Variants in ERC1 observed in about 807,000 individuals in gnomAD.
ERC1 encodes the protein RAB6 interacting protein 2.
A neutral mutation model predicts 132.0 loss-of-function variants in ERC1; 56 were observed. That is an observed-to-expected ratio of 0.42 (90% CI 0.34 to 0.53). The LOEUF is 0.53. Among genes scored for constraint, ERC1 ranks in the 20% least tolerant of loss-of-function variants. ERC1 has a pLI of 0.03. For synonymous variants in ERC1, 478 were observed against 476.1 expected, an observed-to-expected ratio of 1.00 and a Z score of -0.05; for missense variants, 1,202 against 1,349.9, an observed-to-expected ratio of 0.89 and a Z score of 1.72.
chr12:1,063,789 A>G (rs1367579521), intron 2 of ERC1, among the ~76,000 whole-genome samples: 3 of 151,534 alleles, frequency 2.0e-5, no homozygotes, highest in East Asian at 3.9e-4. Context: ...TTTTCCTCTC[A>G]TTGTTTATCC....
At chr12:1,267,777 T>C (rs938829613) in intron 14 of ERC1, among the ~76,000 whole-genome samples, 2 of 152,044 alleles carry the variant, frequency 1.3e-5, no homozygotes, top group African/African-American at 2.4e-5. Flanking sequence ...ATAATAATAA[T>C]AACAACATAT....
intron 12 of ERC1, among the ~76,000 whole-genome samples, chr12:1,194,402 CAG>C (rs1362340329): frequency 6.6e-6 from 1 of 152,070 alleles, no homozygotes. Context: ...GCCTGGGTGA[CAG>C]AGCGAGACTC....
chr12:1,204,999 G>C (rs1957228061), intron 12 of ERC1, among the ~76,000 whole-genome samples: 1 of 152,122 alleles, frequency 6.6e-6, no homozygotes, highest in African/African-American at 2.4e-5. Context: ...TGACTCTGCT[G>C]GGTGGTAGAA....
At chr12:1,200,720 G>A (rs111464941) in intron 12 of ERC1, among the ~76,000 whole-genome samples, 27 of 152,102 alleles carry the variant, frequency 1.8e-4, no homozygotes, top group Admixed American at 4.6e-4. Context: ...CACCACAGCC[G>A]GCTAGTTTTT....
rs1222710284 is a variant in ERC1 at position 1,491,588 on chromosome 12, A to G, written c.*1358A>G. 5.5e-6 allele frequency: 1 copy of G among 182,088 alleles called. No homozygotes were observed. The highest frequency in any genetic ancestry group is 3.0e-5 in the African/African-American group (1 of 32,848). 11.3% of individuals were successfully genotyped at this position (182,088 alleles called of 1,614,324 possible). A position where few individuals can be genotyped will look rare whatever the true frequency, so the allele number is the denominator to read the frequency against. On this transcript the variant is annotated 3_prime_UTR_variant, in exon 19 of 19. Coordinates refer to ENST00000360905, the MANE Select transcript of ERC1 (RefSeq NM_178040.4). ...CTAGAAAAGTTCCCTAATGGAATTC[A>G]TGAGTTTGGGGGTCTCAGTCACCCG...
At chr12:1,410,023 T>G (rs934637280) in intron 17 of ERC1, among the ~76,000 whole-genome samples, 1 of 152,170 alleles carries the variant, frequency 6.6e-6, no homozygotes, top group Non-Finnish European at 1.5e-5. Flanking sequence ...CCATATACTT[T>G]AAATCATCTC....
chr12:1,448,953 G>A (rs2093366198), intron 18 of ERC1, among the ~76,000 whole-genome samples: 1 of 152,244 alleles, frequency 6.6e-6, no homozygotes, highest in Non-Finnish European at 1.5e-5. Context: ...AGAGCCACAG[G>A]GGCAGAGCTG....
chr12:1,074,151 C>T (rs1267735046), intron 2 of ERC1, among the ~76,000 whole-genome samples: 6 of 151,606 alleles, frequency 4.0e-5, no homozygotes, highest in Non-Finnish European at 8.8e-5. Context: ...TGTGAGCCAC[C>T]ATGCCTGGCC....
intron 17 of ERC1, among the ~76,000 whole-genome samples, chr12:1,426,779 C>G (rs923190711): frequency 6.6e-6 from 1 of 152,176 alleles, no homozygotes; most frequent in Non-Finnish European, 1.5e-5. Flanking sequence ...TCTTACCATT[C>G]TGTCTTTGTA....
rs1046742417 is a variant in ERC1 at position 1,097,081 on chromosome 12, C to T, written c.1087-7669C>T. Among the ~76,000 whole-genome samples the T allele has an allele frequency of 2.2e-4, 33 of 152,258 alleles. No homozygotes were observed. The East Asian group carries it at 6.2e-3, about 28-fold the overall frequency. On this transcript the variant is annotated intron_variant, in intron 3 of 18. Coordinates refer to ENST00000360905, the MANE Select transcript of ERC1 (RefSeq NM_178040.4). ...TTTAAATCTCTTAATTACCGATTTG[C>T]CCTTAATTCCTCCTTTTTTTTCTCG...
At position 1,169,600 on chromosome 12, in the gene ERC1, C is replaced by T. The variant is rs536499406; in HGVS notation, c.1738-10940C>T. 1.0e-3 allele frequency among the ~76,000 whole-genome samples: 157 copies of T among 152,176 alleles called. 1 individual carries two copies. Among genetic ancestry groups the T allele is most frequent in the Non-Finnish European group, 1.8e-3 (125 of 68,024 alleles). On this transcript the variant is annotated intron_variant, in intron 8 of 18. Transcript: ENST00000360905. ...GGGTCTGCTTTCCGGGAAACCCAGT[C>T]TTGGGTAGAATACAGGGTAGGATAT...
chr12:1,206,150 A>G (rs1042646671), intron 12 of ERC1, among the ~76,000 whole-genome samples: 3 of 152,138 alleles, frequency 2.0e-5, no homozygotes, highest in African/African-American at 7.2e-5. Context: ...TAGCTGTAGT[A>G]TGCAAAAGTT....
At chr12:1,072,714 A>G (rs944658778) in intron 2 of ERC1, among the ~76,000 whole-genome samples, 3 of 152,070 alleles carry the variant, frequency 2.0e-5, no homozygotes, top group Non-Finnish European at 4.4e-5. Flanking sequence ...TATTTTTGAG[A>G]CAGAGTCTCG....
chr12:1,252,356 A>AT (rs1352731559), intron 13 of ERC1, among the ~76,000 whole-genome samples: 2 of 152,064 alleles, frequency 1.3e-5, no homozygotes, highest in Non-Finnish European at 2.9e-5. Flanking sequence ...TATTTTTGGG[A>AT]TTTTTTGGTA....
At chr12:1,051,757 G>A (rs1291086741) in intron 2 of ERC1, among the ~76,000 whole-genome samples, 1 of 152,058 alleles carries the variant, frequency 6.6e-6, no homozygotes, top group Admixed American at 6.6e-5. Flanking sequence ...GACCACCTGG[G>A]GGATGTGGGC....
In ERC1 at chr12:1,460,958, C is replaced by CTTTTTTTTTTT. The variant is rs35505633; in HGVS notation, c.3213+16221_3213+16231dup. 1.2e-3 allele frequency among the ~76,000 whole-genome samples: 79 copies of CTTTTTTTTTTT among 64,942 alleles called. 1 individual carries two copies. The highest frequency in any genetic ancestry group is 2.3e-3 in the East Asian group (4 of 1,758). 42.6% of individuals were successfully genotyped at this position (64,942 alleles called of 152,430 possible). A position where few individuals can be genotyped will look rare whatever the true frequency, so the allele number is the denominator to read the frequency against. On this transcript the variant is annotated intron_variant, in intron 18 of 18. Coordinates refer to ENST00000360905, the MANE Select transcript of ERC1 (RefSeq NM_178040.4). ...GACTTGCCTAAACGATGAGGAGGCC[C>CTTTTTTTTTTT]TTTTTTTTTTTTTTTTTTTTTTTCA...
intron 9 of ERC1, among the ~76,000 whole-genome samples, chr12:1,181,561 G>A (rs1420130172): frequency 6.6e-6 from 1 of 152,152 alleles, no homozygotes; most frequent in Non-Finnish European, 1.5e-5. Context: ...CACTTTGGGA[G>A]GCCGAGGCGG....
At chr12:1,158,095 C>T (rs1369936314) in intron 8 of ERC1, among the ~76,000 whole-genome samples, 1 of 152,174 alleles carries the variant, frequency 6.6e-6, no homozygotes, top group Non-Finnish European at 1.5e-5. Flanking sequence ...TGCCTAGTTT[C>T]TCCTGTGATT....
chr12:1,442,088 C>T (rs914484748), intron 17 of ERC1, among the ~76,000 whole-genome samples: 12 of 152,164 alleles, frequency 7.9e-5, no homozygotes, highest in Admixed American at 5.9e-4. Context: ...CCACCATGCC[C>T]GACTAATTTT....
Sources: allele counts gnomAD v4.1 joint callset (sites outside exome capture counted in the v4.1 genomes callset), GRCh38; gene constraint gnomAD v4.1.1; transcripts MANE v1.5; gene names NCBI Gene and HGNC (gene_info 2026-07-23, HGNC 2026-07-21).